The following DOCK3 variants were observed in gnomAD, a reference collection of about 807,000 sequenced individuals.
DOCK3 encodes the protein dedicator of cytokinesis 3, also known as dedicator of cytokinesis protein 3.
A neutral mutation model predicts 265.6 loss-of-function variants in DOCK3; 60 were observed. The observed-to-expected ratio is 0.23, with a 90% CI of 0.18 to 0.28. DOCK3 has a LOEUF of 0.28. Among genes scored for constraint, DOCK3 ranks in the 10% least tolerant of loss-of-function variants. DOCK3 has a pLI of 1.00. For missense variants in DOCK3, 1,981 were observed against 2,594.3 expected, an observed-to-expected ratio of 0.76 and a Z score of 5.14; for synonymous variants, 881 against 938.0, an observed-to-expected ratio of 0.94 and a Z score of 1.11.
intron 32 of DOCK3, among the ~76,000 whole-genome samples, chr3:51,320,406 T>A (rs1353191211): frequency 2.6e-5 from 4 of 151,734 alleles, no homozygotes; most frequent in Non-Finnish European, 1.5e-5. Context: ...GACACCAAGC[T>A]AGCTGCAGGA....
intron 2 of DOCK3, among the ~76,000 whole-genome samples, chr3:50,820,665 T>C (rs983808836): frequency 6.6e-6 from 1 of 152,160 alleles, no homozygotes; most frequent in Non-Finnish European, 1.5e-5. Context: ...GGTAGAATGA[T>C]TTGTTTTCTT....
At chr3:51,152,129 C>G (rs1351977123) in intron 10 of DOCK3, among the ~76,000 whole-genome samples, 1 of 152,108 alleles carries the variant, frequency 6.6e-6, no homozygotes, top group African/African-American at 2.4e-5. Flanking sequence ...CTTTCAGGTA[C>G]ACCAATCAGA....
intron 9 of DOCK3, among the ~76,000 whole-genome samples, chr3:51,110,365 C>G (rs1377286486): frequency 4.0e-5 from 6 of 151,196 alleles, no homozygotes; most frequent in African/African-American, 1.5e-4. Flanking sequence ...AGAGACACAC[C>G]ACCACCACCA....
intron 5 of DOCK3, among the ~76,000 whole-genome samples, chr3:50,949,268 A>T (rs1367733866): frequency 1.3e-5 from 2 of 152,214 alleles, no homozygotes; most frequent in East Asian, 3.8e-4. Context: ...ATATATCAGG[A>T]GTCACATCAA....
chr3:51,058,262 A>G (rs1157675548), intron 5 of DOCK3, among the ~76,000 whole-genome samples: 2 of 152,198 alleles, frequency 1.3e-5, no homozygotes, highest in African/African-American at 4.8e-5. Context: ...TGGTCAGAGC[A>G]TATTCAGGGC....
chr3:50,713,252 A>C (rs758863420), intron 1 of DOCK3, among the ~76,000 whole-genome samples: 2 of 152,138 alleles, frequency 1.3e-5, no homozygotes, highest in Non-Finnish European at 2.9e-5. Flanking sequence ...GTAGGACTTT[A>C]TTTTTCTCCA....
chr3:51,064,616 G>T lies in DOCK3; in HGVS notation c.464+20G>T. ...TAATGAGTAAGTATGAAAATTGTTT[G>T]GGTATCTCTCAGTTTCATTTATGAT... On this transcript the variant is annotated intron_variant, in intron 6 of 52. Coordinates refer to ENST00000266037, the MANE Select transcript of DOCK3 (RefSeq NM_004947.5). The T allele has an allele frequency of 6.2e-7, 1 of 1,609,900 alleles. No homozygotes were observed. Among genetic ancestry groups the T allele is most frequent in the Non-Finnish European group, 8.5e-7 (1 of 1,176,734 alleles).
At chr3:50,769,729 T>C (rs762331634) in intron 1 of DOCK3, among the ~76,000 whole-genome samples, 1 of 150,518 alleles carries the variant, frequency 6.6e-6, no homozygotes, top group Non-Finnish European at 1.5e-5. Context: ...GGAGAATCGC[T>C]TGAACCTGGG....
chr3:50,794,901 G>C (rs945018550), intron 2 of DOCK3, among the ~76,000 whole-genome samples: 4 of 152,118 alleles, frequency 2.6e-5, no homozygotes, highest in African/African-American at 4.8e-5. Context: ...GCTTCCTTCA[G>C]GAGCTCTTTT....
At chr3:51,262,346 A>G (rs2079901041) in intron 23 of DOCK3, among the ~76,000 whole-genome samples, 1 of 152,238 alleles carries the variant, frequency 6.6e-6, no homozygotes, top group Non-Finnish European at 1.5e-5. Context: ...AAGAAAAACT[A>G]ACAAACAGAA....
At chr3:51,206,980 G>A (rs568918997) in intron 12 of DOCK3, among the ~76,000 whole-genome samples, 1 of 152,278 alleles carries the variant, frequency 6.6e-6, no homozygotes, top group South Asian at 2.1e-4. Flanking sequence ...CCAGGTTGGG[G>A]AGAAATGAAT....
intron 27 of DOCK3, among the ~76,000 whole-genome samples, chr3:51,288,597 TA>T (rs137976463): frequency 6.6e-6 from 1 of 151,406 alleles, no homozygotes; most frequent in Non-Finnish European, 1.5e-5. Context: ...GAACCTAAAA[TA>T]AAAAAAGAAA....
At chr3:51,198,646 T>C (rs932433794) in intron 12 of DOCK3, among the ~76,000 whole-genome samples, 3 of 151,730 alleles carry the variant, frequency 2.0e-5, no homozygotes, top group African/African-American at 7.3e-5. Flanking sequence ...ATACAATCTG[T>C]GTGCATTTCT....
intron 4 of DOCK3, among the ~76,000 whole-genome samples, chr3:50,913,507 C>G (rs1472983149): frequency 6.6e-6 from 1 of 151,950 alleles, no homozygotes; most frequent in Non-Finnish European, 1.5e-5. Flanking sequence ...GGCTCTGGGC[C>G]CAGTTCAGCA....
At chr3:50,873,249 A>G (rs1270952290) in intron 3 of DOCK3, among the ~76,000 whole-genome samples, 2 of 152,100 alleles carry the variant, frequency 1.3e-5, no homozygotes, top group Non-Finnish European at 2.9e-5. Context: ...TAGGTAGCAG[A>G]TGATGAATTT....
chr3:50,828,275 C>T (rs2044895306), intron 2 of DOCK3, among the ~76,000 whole-genome samples: 1 of 152,012 alleles, frequency 6.6e-6, no homozygotes, highest in South Asian at 2.1e-4. Context: ...TGTTCTTTTA[C>T]CACTCCCCAG....
At chr3:50,931,121 C>T (rs1045666634) in intron 4 of DOCK3, among the ~76,000 whole-genome samples, 1 of 152,184 alleles carries the variant, frequency 6.6e-6, no homozygotes, top group Non-Finnish European at 1.5e-5. Context: ...CCATGCCTCC[C>T]CACTACAGAC....
At chr3:51,346,084 G>A (rs2110139589) in intron 38 of DOCK3, among the ~76,000 whole-genome samples, 1 of 152,070 alleles carries the variant, frequency 6.6e-6, no homozygotes, top group African/African-American at 2.4e-5. Flanking sequence ...TGAGAAGTTG[G>A]GGAGCCTGGG....
intron 2 of DOCK3, among the ~76,000 whole-genome samples, chr3:50,784,315 G>T (rs539928164): frequency 6.6e-6 from 1 of 152,230 alleles, no homozygotes; most frequent in African/African-American, 2.4e-5. Context: ...ACATCATTTG[G>T]CTATAAGTAT....
Sources: allele counts gnomAD v4.1 joint callset (sites outside exome capture counted in the v4.1 genomes callset), GRCh38; gene constraint gnomAD v4.1.1; transcripts MANE v1.5; gene names NCBI Gene and HGNC (gene_info 2026-07-23, HGNC 2026-07-21).